Variants in ADIPOQ observed in about 807,000 individuals in gnomAD.
The protein encoded by ADIPOQ is adiponectin.
A neutral mutation model predicts 16.1 loss-of-function variants in ADIPOQ; 19 were observed. The observed-to-expected ratio is 1.18, with a 90% confidence interval of 0.82 to 1.73. ADIPOQ has a LOEUF of 1.73. ADIPOQ is among the 40% of genes most tolerant of loss of function. The pLI is 0.00. For missense variants in ADIPOQ, 323 were observed against 308.3 expected (o/e 1.05, Z -0.36); for synonymous variants, 124 against 125.5 (o/e 0.99, Z 0.08).
At chr3:186,843,414 A>G (rs902198482) in intron 1 of ADIPOQ, among the ~76,000 whole-genome samples, 2 of 152,126 alleles carry the variant, frequency 1.3e-5, no homozygotes, top group Non-Finnish European at 2.9e-5. Context: ...AATCCCAGCA[A>G]TTTGGGAGAC....
At position 186,858,328 on chromosome 3, in the gene ADIPOQ, A is replaced by G. The variant is rs200409228; in HGVS notation, c.*3624A>G. The G allele has an allele frequency of 4.8e-5, 7 of 146,604 alleles. No individual in the cohort carries two copies. The highest frequency in any genetic ancestry group is 1.1e-4 in the Non-Finnish European group (7 of 64,820). 9.1% of individuals were successfully genotyped at this position (146,604 alleles called of 1,614,324 possible). A position where few individuals can be genotyped will look rare whatever the true frequency, so the allele number is the denominator to read the frequency against. On this transcript the variant is annotated 3_prime_UTR_variant, in exon 3 of 3. Coordinates refer to ENST00000320741, the MANE Select transcript of ADIPOQ (RefSeq NM_004797.4). ...CTTTTTCCATCATGTTACTTTAAAT[A>G]TATCTATATTATTGTATTTAAAATG...
intron 1 of ADIPOQ, among the ~76,000 whole-genome samples, chr3:186,846,322 C>T (rs1376589228): frequency 2.6e-5 from 4 of 151,738 alleles, no homozygotes; most frequent in African/African-American, 9.7e-5. Flanking sequence ...AATTCCGCCT[C>T]CCAGGCTCAA....
Position 186,854,260 on chromosome 3 carries a change from C to A in ADIPOQ, c.291C>A (p.Ile97=). The change falls in exon 3 of 3, where the codon ATC becomes ATA. Residue 97 remains isoleucine (I), a synonymous_variant. Transcript: ENST00000320741. Reference sequence around the variant, plus strand: ...AAGGTCCCCGAGGCTTTCCGGGAATCCAAGGCAGGAAAGGAGAACCTGGAG... The same window carrying A: ...AAGGTCCCCGAGGCTTTCCGGGAATACAAGGCAGGAAAGGAGAACCTGGAG... ...GAEGPRGFPG[I]QGRKGEPGEG... is the part of the protein sequence containing the mutation. The A allele has an allele frequency of 6.2e-7, 1 of 1,613,820 alleles. No individual in the cohort carries two copies. Among genetic ancestry groups the A allele is most frequent in the Non-Finnish European group, 8.5e-7 (1 of 1,179,724 alleles).
At chr3:186,845,971 G>C (rs377372534) in intron 1 of ADIPOQ, among the ~76,000 whole-genome samples, 2 of 152,142 alleles carry the variant, frequency 1.3e-5, no homozygotes, top group South Asian at 2.1e-4. Flanking sequence ...GTGATGGAAG[G>C]CTCACTCGTT....
rs1712047730 is a variant in ADIPOQ at position 186,857,453 on chromosome 3, T to A, written c.*2749T>A. The A allele has an allele frequency of 6.6e-6, 1 of 152,212 alleles. No homozygotes were observed. The highest frequency in any genetic ancestry group is 1.5e-5 in the Non-Finnish European group (1 of 68,034). 9.4% of individuals were successfully genotyped at this position (152,212 alleles called of 1,614,324 possible). A position where few individuals can be genotyped will look rare whatever the true frequency, so the allele number is the denominator to read the frequency against. ...ACATAGCTGGAAAATTCCTATTGAT[T>A]TTCTCTAAAATTTCAACAAGTAGCT... On this transcript the variant is annotated 3_prime_UTR_variant, in exon 3 of 3. Transcript: ENST00000320741.
rs373956375 is a variant in ADIPOQ, at chr3:186,854,179, C to T, written c.215-5C>T. 5 of 1,612,436 alleles carry T rather than the reference C, an allele frequency of 3.1e-6. No individual in the cohort carries two copies. The African/African-American group carries it at 4.0e-5, about 13-fold the overall frequency. On this transcript the variant is annotated splice_region_variant and splice_polypyrimidine_tract_variant and intron_variant, in intron 2 of 2. Transcript: ENST00000320741. ...TGTAGTCACTGAGGTCTTCTCATTC[C>T]TTAGGTCTTATTGGTCCTAAGGGAG...
At chr3:186,853,901 C>A in intron 2 of ADIPOQ, 1 of 336,956 alleles carries the variant, frequency 3.0e-6, no homozygotes. Context: ...ATTGCAAAAC[C>A]AGGGTTGATG....
At chr3:186,849,075 G>A (rs529899768) in intron 1 of ADIPOQ, among the ~76,000 whole-genome samples, 1 of 152,142 alleles carries the variant, frequency 6.6e-6, no homozygotes, top group Admixed American at 6.5e-5. Context: ...AGGAGAAAGA[G>A]ATCTTTATTT....
intron 1 of ADIPOQ, among the ~76,000 whole-genome samples, chr3:186,847,230 G>A (rs972059432): frequency 6.6e-5 from 10 of 152,240 alleles, no homozygotes; most frequent in African/African-American, 1.9e-4. Flanking sequence ...TAAGCACCAA[G>A]ACCGTAGAGC....
At chr3:186,851,010 C>A (rs7627128) in intron 1 of ADIPOQ, among the ~76,000 whole-genome samples, 25,759 of 151,822 alleles carry the variant, frequency 0.17, 2,276 homozygotes, top group East Asian at 0.24. Flanking sequence ...TAGTATAGAA[C>A]CCCAGGTAAT....
intron 2 of ADIPOQ, 48 bp from the exon 3 acceptor site, chr3:186,854,136 G>C (rs1229316298): frequency 6.3e-7 from 1 of 1,594,432 alleles, no homozygotes; most frequent in Non-Finnish European, 8.5e-7. Flanking sequence ...AACCAACCTA[G>C]GCAGGAGTTC....
At chr3:186,846,767 A>G (rs1280212822) in intron 1 of ADIPOQ, among the ~76,000 whole-genome samples, 1 of 152,168 alleles carries the variant, frequency 6.6e-6, no homozygotes, top group Non-Finnish European at 1.5e-5. Context: ...TGAGAACATC[A>G]CGGTCATCCC....
intron 1 of ADIPOQ, among the ~76,000 whole-genome samples, chr3:186,845,075 C>T (rs956164503): frequency 8.1e-4 from 122 of 151,424 alleles, no homozygotes; most frequent in African/African-American, 2.8e-3. Context: ...TGTGTGCGCG[C>T]GCGCACACTC....
At chr3:186,850,140 C>G (rs763864856) in intron 1 of ADIPOQ, among the ~76,000 whole-genome samples, 5 of 151,944 alleles carry the variant, frequency 3.3e-5, no homozygotes, top group Non-Finnish European at 5.9e-5. Context: ...TGTGGTGGTG[C>G]ATGCCTGTAA....
At chr3:186,842,837 T>C (rs1415954959) in intron 1 of ADIPOQ, 88 bp downstream of exon 1, 2 of 152,410 alleles carry the variant, frequency 1.3e-5, no homozygotes, top group East Asian at 3.8e-4. Flanking sequence ...CCGTCCGTAG[T>C]AGTGTGGGAG....
In ADIPOQ at chr3:186,852,752, C is replaced by T. The variant is rs16861222; in HGVS notation, c.-8-299C>T. ...CTTGGAGCTTTCCCTGTGCTTGGTC[C>T]TGTGCTCAGACATGGGAAAATTAGA... On this transcript the variant is annotated intron_variant, in intron 1 of 2. Coordinates refer to ENST00000320741, the MANE Select transcript of ADIPOQ (RefSeq NM_004797.4). 2,707 of 371,806 alleles carry T rather than the reference C, an allele frequency of 7.3e-3. 68 individuals carry two copies. The highest frequency in any genetic ancestry group is 0.049 in the African/African-American group (2,383 of 49,122). The allele number at this position is 371,806 out of a possible 1,614,324, so 23.0% of individuals were successfully genotyped here.
At chr3:186,846,318 G>A (rs576457819) in intron 1 of ADIPOQ, among the ~76,000 whole-genome samples, 9 of 151,090 alleles carry the variant, frequency 6.0e-5, no homozygotes, top group East Asian at 1.9e-4. Context: ...TGCAAATTCC[G>A]CCTCCCAGGC....
At chr3:186,850,267 C>T (rs1711705126) in intron 1 of ADIPOQ, among the ~76,000 whole-genome samples, 1 of 126,434 alleles carries the variant, frequency 7.9e-6, no homozygotes, top group African/African-American at 2.9e-5. Flanking sequence ...GAAATCCTCT[C>T]TCTCAAAAAA....
intron 1 of ADIPOQ, among the ~76,000 whole-genome samples, chr3:186,843,169 T>A (rs187065932): frequency 4.9e-4 from 74 of 152,252 alleles, no homozygotes; most frequent in Admixed American, 2.9e-3. Context: ...TTCAGAAAAG[T>A]CAAGCTGAGC....
Sources: gnomAD v4.1 joint callset for allele counts (sites outside exome capture counted in the v4.1 genomes callset) on GRCh38, gnomAD v4.1.1 for gene constraint, MANE v1.5 for transcripts, NCBI Gene and HGNC (gene_info 2026-07-23, HGNC 2026-07-21) for gene names.